Variants in KCNH8 observed in about 807,000 individuals in gnomAD.
KCNH8 encodes voltage-gated delayed rectifier potassium channel KCNH8.
Under a neutral mutation model 103.6 loss-of-function variants are expected in KCNH8, and 70 were observed. The ratio of observed to expected loss-of-function variants is 0.68; its 90% confidence interval spans 0.56 to 0.82. KCNH8 has a LOEUF of 0.82. Among genes scored for constraint, KCNH8 ranks in the 40% least tolerant of loss-of-function variants. The pLI is 0.00. For synonymous variants in KCNH8, 498 were observed against 489.4 expected, an observed-to-expected ratio of 1.02 and a Z score of -0.23; for missense variants, 1,217 against 1,329.9, an observed-to-expected ratio of 0.92 and a Z score of 1.32.
chr3:19,431,625 G>A (rs2067123531), intron 7 of KCNH8, among the ~76,000 whole-genome samples: 1 of 152,016 alleles, frequency 6.6e-6, no homozygotes. Flanking sequence ...TTGTTTGTTT[G>A]TTTTGTTTTG....
chr3:19,453,376 T>C (rs916773690), intron 10 of KCNH8, among the ~76,000 whole-genome samples: 2 of 152,174 alleles, frequency 1.3e-5, no homozygotes, highest in Non-Finnish European at 2.9e-5. Context: ...CATTATTCTA[T>C]ATAATCATTG....
At chr3:19,302,941 T>C (rs1468044101) in intron 3 of KCNH8, among the ~76,000 whole-genome samples, 2 of 152,202 alleles carry the variant, frequency 1.3e-5, no homozygotes, top group Admixed American at 6.5e-5. Context: ...CAAGCCACTA[T>C]TATCCTTGGG....
intron 3 of KCNH8, among the ~76,000 whole-genome samples, chr3:19,322,517 G>A (rs2065363498): frequency 6.6e-6 from 1 of 152,088 alleles, no homozygotes; most frequent in South Asian, 2.1e-4. Flanking sequence ...CTAAATATTG[G>A]ACCCCAATCC....
intron 3 of KCNH8, among the ~76,000 whole-genome samples, chr3:19,293,545 G>T (rs571946766): frequency 6.6e-6 from 1 of 152,264 alleles, no homozygotes; most frequent in Non-Finnish European, 1.5e-5. Context: ...GAGCTCAGGT[G>T]ACTCACATGC....
intron 1 of KCNH8, among the ~76,000 whole-genome samples, chr3:19,174,401 G>A (rs557966783): frequency 2.0e-5 from 3 of 152,258 alleles, no homozygotes; most frequent in Admixed American, 1.3e-4. Flanking sequence ...TCATACGGAC[G>A]TCTTGACAAG....
At chr3:19,288,904 T>G (rs2064876006) in intron 3 of KCNH8, among the ~76,000 whole-genome samples, 1 of 152,158 alleles carries the variant, frequency 6.6e-6, no homozygotes, top group Non-Finnish European at 1.5e-5. Context: ...GTTTCCTGAC[T>G]TTTTAATGAT....
rs537638816 is a variant in KCNH8 at position 19,379,520 on chromosome 3, G to T, written c.812-10961G>T. On this transcript the variant is annotated intron_variant, in intron 5 of 15. Coordinates refer to ENST00000328405, the MANE Select transcript of KCNH8 (RefSeq NM_144633.3). Reference sequence around the variant, plus strand: ...TCAGGCGTGGTGGCATGCACCTATAGTCCCAGCTGCTTGGGAGGCTGAGGC... The same window carrying T: ...TCAGGCGTGGTGGCATGCACCTATATTCCCAGCTGCTTGGGAGGCTGAGGC... Among the ~76,000 whole-genome samples, 3 of 151,972 alleles carry T rather than the reference G, an allele frequency of 2.0e-5. No homozygotes were observed. The East Asian group carries it at 5.8e-4, about 29-fold the overall frequency.
At position 19,434,912 on chromosome 3, in the gene KCNH8, AT is replaced by A. The variant is rs1294481865; in HGVS notation, c.1178-3249del. ...TTAATAATGATCTCAACACAGCACAATTTAAAATGATAATTGGAAATGATCT... is the reference window on the plus strand; with the variant it reads ...TTAATAATGATCTCAACACAGCACAATTAAAATGATAATTGGAAATGATCT... On this transcript the variant is annotated intron_variant, in intron 7 of 15. Coordinates refer to ENST00000328405, the MANE Select transcript of KCNH8 (RefSeq NM_144633.3). 5.9e-5 allele frequency among the ~76,000 whole-genome samples: 9 copies of A among 152,136 alleles called. 1 individual carries two copies. The highest frequency in any genetic ancestry group is 1.3e-4 in the Admixed American group (2 of 15,256).
At chr3:19,435,161 T>G (rs1272343638) in intron 7 of KCNH8, among the ~76,000 whole-genome samples, 2 of 152,070 alleles carry the variant, frequency 1.3e-5, no homozygotes, top group Non-Finnish European at 1.5e-5. Context: ...CATAAATATA[T>G]ACAATTTTTG....
chr3:19,407,315 C>A (rs577986428), intron 7 of KCNH8, among the ~76,000 whole-genome samples: 3 of 152,200 alleles, frequency 2.0e-5, no homozygotes, highest in Non-Finnish European at 2.9e-5. Flanking sequence ...GCTAAATTTA[C>A]AAATGTTGTA....
intron 8 of KCNH8, among the ~76,000 whole-genome samples, chr3:19,439,449 T>A (rs2067246381): frequency 6.6e-6 from 1 of 152,180 alleles, no homozygotes; most frequent in Non-Finnish European, 1.5e-5. Flanking sequence ...TGGGAAGACT[T>A]GACAAGAGGG....
At chr3:19,271,308 A>G (rs1009477591) in intron 2 of KCNH8, among the ~76,000 whole-genome samples, 1 of 152,132 alleles carries the variant, frequency 6.6e-6, no homozygotes, top group Admixed American at 6.6e-5. Flanking sequence ...CCATCTCATC[A>G]TCTTTAAGAT....
chr3:19,450,483 A>G, intron 9 of KCNH8, 178 bp downstream of exon 9: 1 of 612,642 alleles, frequency 1.6e-6, no homozygotes, highest in Non-Finnish European at 2.9e-6. Context: ...TTGTGTTTTC[A>G]CAATGCCAAT....
intron 2 of KCNH8, among the ~76,000 whole-genome samples, chr3:19,277,299 A>G (rs2064687971): frequency 6.6e-6 from 1 of 152,176 alleles, no homozygotes; most frequent in African/African-American, 2.4e-5. Flanking sequence ...ATGGTGGCTT[A>G]TGCCTGTAAT....
intron 11 of KCNH8, among the ~76,000 whole-genome samples, chr3:19,494,744 T>C (rs1335685791): frequency 6.6e-6 from 1 of 152,146 alleles, no homozygotes; most frequent in Non-Finnish European, 1.5e-5. Context: ...GATCAAATGG[T>C]AGTTCTGTTT....
intron 5 of KCNH8, among the ~76,000 whole-genome samples, chr3:19,371,746 C>A (rs964781747): frequency 8.4e-5 from 10 of 119,568 alleles, no homozygotes; most frequent in South Asian, 7.3e-4. Flanking sequence ...GGTTTTAGGT[C>A]TAACGTTTAA....
At chr3:19,228,998 T>C (rs1478947825) in intron 1 of KCNH8, among the ~76,000 whole-genome samples, 1 of 152,238 alleles carries the variant, frequency 6.6e-6, no homozygotes, top group Admixed American at 6.5e-5. Flanking sequence ...TAAAACATTA[T>C]AGGACATTTA....
intron 15 of KCNH8, among the ~76,000 whole-genome samples, chr3:19,533,102 G>A (rs2125255571): frequency 6.6e-6 from 1 of 151,844 alleles, no homozygotes; most frequent in East Asian, 2.0e-4. Context: ...TACTCGGTAG[G>A]CTGAGGCAGG....
At chr3:19,380,377 T>A (rs2066272595) in intron 5 of KCNH8, among the ~76,000 whole-genome samples, 1 of 152,188 alleles carries the variant, frequency 6.6e-6, no homozygotes, top group African/African-American at 2.4e-5. Context: ...CTGAGGCACA[T>A]TTTCAACCCT....
Sources: gnomAD v4.1 joint callset for allele counts (sites outside exome capture counted in the v4.1 genomes callset) on GRCh38, gnomAD v4.1.1 for gene constraint, MANE v1.5 for transcripts, NCBI Gene and HGNC (gene_info 2026-07-23, HGNC 2026-07-21) for gene names.